SLC11A1: variants seen among roughly 807,000 people sequenced by gnomAD.
SLC11A1 encodes solute carrier family 11 member 1, also known as natural resistance-associated macrophage protein 1.
In SLC11A1, 59 loss-of-function variants were observed where a neutral mutation model predicts 63.2. That is an observed-to-expected ratio of 0.93 (90% confidence interval 0.76 to 1.16). The LOEUF is 1.16. Ranked by LOEUF, SLC11A1 falls within the 50% of genes most tolerant of loss-of-function variation. The pLI, the probability that SLC11A1 is intolerant of heterozygous loss-of-function variation, is 0.00. For missense variants in SLC11A1, 688 were observed against 730.7 expected, an observed-to-expected ratio of 0.94 and a Z score of 0.67; for synonymous variants, 305 against 307.8, an observed-to-expected ratio of 0.99 and a Z score of 0.09.
chr2:218,385,686 C>A, intron 4 of SLC11A1: 1 of 355,454 alleles, frequency 2.8e-6, no homozygotes, highest in South Asian at 2.1e-5. Flanking sequence ...CCACTGCATC[C>A]GGCCCCAATT....
Position 218,383,104 on chromosome 2 carries a change from TGG to T in SLC11A1, c.150+4_150+5del. 1 of 1,613,158 alleles carries T rather than the reference TGG, an allele frequency of 6.2e-7. No homozygotes were observed. The highest frequency in any genetic ancestry group is 8.5e-7 in the Non-Finnish European group (1 of 1,179,696). ...ATCCCCATCCCAGACACAAAACCGG[TGG>T]GATGCTGGAAACTTCCTGGGGGCTT... On this transcript the variant is annotated splice_donor_region_variant and intron_variant, in intron 2 of 14. Coordinates refer to ENST00000233202, the MANE Select transcript of SLC11A1 (RefSeq NM_000578.4).
At position 218,389,871 on chromosome 2, in the gene SLC11A1, C is replaced by G; in HGVS notation, c.797C>G (p.Ser266Cys). 1.9e-6 allele frequency: 3 copies of G among 1,608,088 alleles called. No homozygotes were observed. Among genetic ancestry groups the G allele is most frequent in the Non-Finnish European group, 2.5e-6 (3 of 1,176,672 alleles). Reference protein sequence around the residue: ...NIYLHSALVKSREIDRARRAD... With the variant: ...NIYLHSALVKCREIDRARRAD... The stretch of plus-strand genomic sequence containing the variant: ...TCCCTCTCCCTTTGATCTTCGTAGT[C>G]TCGAGAGATAGACCGGGCCCGCCGA... Residue 266 changes from serine (S) to cysteine (C), a missense_variant and splice_region_variant, in exon 9 of 15, where the codon TCT (serine) becomes TGT (cysteine). Coordinates refer to ENST00000233202, the MANE Select transcript of SLC11A1 (RefSeq NM_000578.4).
In SLC11A1 at chr2:218,385,273, T is replaced by C. The variant is rs1368800589; in HGVS notation, c.393+7T>C. 4.3e-6 allele frequency: 7 copies of C among 1,613,760 alleles called. No homozygotes were observed. The highest frequency in any genetic ancestry group is 2.2e-5 in the East Asian group (1 of 44,886). On this transcript the variant is annotated splice_region_variant and intron_variant, in intron 4 of 14. Transcript: ENST00000233202. ...CCATCTCTACTACCCTAAGGTGAGC[T>C]TGGGGGGCCTGGACAGGGAGAACCA... is the stretch of plus-strand genomic sequence containing the variant.
rs367962836 is a variant in SLC11A1, at chr2:218,390,886, GA to G, written c.955-302del. On this transcript the variant is annotated intron_variant, in intron 9 of 14. Transcript: ENST00000233202. ...ATGTTGGCAACAAATCCACATTAAAGAAAAAAAAAACCCGGCCGGGTGCGGT... is the reference window on the plus strand; with the variant it reads ...ATGTTGGCAACAAATCCACATTAAAGAAAAAAAAACCCGGCCGGGTGCGGT... 1.2e-4 allele frequency among the ~76,000 whole-genome samples: 18 copies of G among 148,374 alleles called. No individual in the cohort carries two copies. In the East Asian group the frequency reaches 1.6e-3, roughly 13 times the overall value.
At position 218,396,814 on chromosome 2, in the gene SLC11A1, G is replaced by C. The variant is rs1696812905; in HGVS notation, c.*1779G>C. On this transcript the variant is annotated 3_prime_UTR_variant, in exon 15 of 15. Transcript: ENST00000233202. ...CCCTACACACCCCTCTTGGCATTGA[G>C]TGCCAGTCCTCTGCCAGGCTCTGTG... 1 of 152,600 alleles carries C rather than the reference G, an allele frequency of 6.6e-6. No homozygotes were observed. The allele number at this position is 152,600 out of a possible 1,614,324, so 9.5% of individuals were successfully genotyped here. A position where few individuals can be genotyped will look rare whatever the true frequency, so the allele number is the denominator to read the frequency against.
chr2:218,392,947 C>A, intron 11 of SLC11A1, 34 bp from the exon 12 acceptor site: 1 of 1,553,504 alleles, frequency 6.4e-7, no homozygotes. Flanking sequence ...CCAGTCCTGT[C>A]TACTCCTCAC....
chr2:218,387,235 G>A lies in SLC11A1; in HGVS notation c.571+5G>A. 6.2e-7 allele frequency: 1 copy of A among 1,611,724 alleles called. No homozygotes were observed. Among genetic ancestry groups the A allele is most frequent in the Middle Eastern group, 1.7e-4 (1 of 6,058 alleles). ...TCCTCTTCCTCGATAACTACGGTGGGTGCACACCCCACCTCATAGGGGAGT... is the reference window on the plus strand; with the variant it reads ...TCCTCTTCCTCGATAACTACGGTGGATGCACACCCCACCTCATAGGGGAGT... On this transcript the variant is annotated splice_donor_5th_base_variant and intron_variant, in intron 6 of 14. Transcript: ENST00000233202.
At chr2:218,382,410 G>C (rs369962804) in intron 1 of SLC11A1, 35 bp downstream of exon 1, 25 of 1,612,534 alleles carry the variant, frequency 1.6e-5, no homozygotes, top group East Asian at 1.1e-4. Context: ...AGCCTGATTG[G>C]GGGGTGGAGT....
chr2:218,382,615 C>T (rs1251724047), intron 1 of SLC11A1, among the ~76,000 whole-genome samples: 2 of 152,200 alleles, frequency 1.3e-5, no homozygotes, highest in African/African-American at 4.8e-5. Flanking sequence ...GATCAAAGCC[C>T]CTGGAGCTTT....
rs199628891 is a variant in SLC11A1 at position 218,394,137 on chromosome 2, G to A, written c.1332G>A (p.Leu444=). The change falls in exon 13 of 15, where the codon CTG becomes CTA. Residue 444 remains leucine (L), a synonymous_variant. Transcript: ENST00000233202. ...LQSLLLPFAV[L]PILTFTSMPT... ...CTCCCCAGCTCCCGTTCGCCGTGCTGCCCATCCTCACGTTCACCAGCATGC... is the reference window on the plus strand; with the variant it reads ...CTCCCCAGCTCCCGTTCGCCGTGCTACCCATCCTCACGTTCACCAGCATGC... The A allele has an allele frequency of 6.2e-7, 1 of 1,614,060 alleles. No homozygotes were observed.
At position 218,395,413 on chromosome 2, in the gene SLC11A1, A is replaced by C. The variant is rs1696704222; in HGVS notation, c.*378A>C. The C allele has an allele frequency of 5.1e-6, 1 of 196,080 alleles. No individual in the cohort carries two copies. Among genetic ancestry groups the C allele is most frequent in the South Asian group, 1.1e-4 (1 of 9,290 alleles). 12.1% of individuals were successfully genotyped at this position (196,080 alleles called of 1,614,324 possible). ...GGACTTGGGCGGGACACAGGCTCCA[A>C]ACTGGAGCTTGAAATAGTGTCTGAT... On this transcript the variant is annotated 3_prime_UTR_variant, in exon 15 of 15. Transcript: ENST00000233202.
chr2:218,385,170 C>A lies in SLC11A1; in HGVS notation c.297C>A (p.Ala99=). The A allele has an allele frequency of 5.6e-6, 9 of 1,613,960 alleles. No homozygotes were observed. The highest frequency in any genetic ancestry group is 7.6e-6 in the Non-Finnish European group (9 of 1,179,890). Residue 99 remains alanine (A), a synonymous_variant, in exon 4 of 15, where the codon GCC becomes GCA. Transcript: ENST00000233202. The part of the protein sequence containing the change: ...GFKLLWVLLW[A]TVLGLLCQRL... ...AGCTTCTCTGGGTGCTGCTCTGGGCCACCGTGTTGGGCTTGCTCTGCCAGC... is the reference window on the plus strand; with the variant it reads ...AGCTTCTCTGGGTGCTGCTCTGGGCAACCGTGTTGGGCTTGCTCTGCCAGC...
At chr2:218,385,592 T>C (rs1019255347) in intron 4 of SLC11A1, 13 of 393,508 alleles carry the variant, frequency 3.3e-5, no homozygotes, top group Non-Finnish European at 6.1e-5. Context: ...GGTTTCACCA[T>C]GTTGGCCAGG....
intron 8 of SLC11A1, among the ~76,000 whole-genome samples, chr2:218,389,515 C>T (rs1047396684): frequency 5.3e-5 from 8 of 152,176 alleles, no homozygotes; most frequent in East Asian, 1.9e-4. Context: ...CATTGCACCA[C>T]GGCACTCCAG....
chr2:218,392,422 G>A (rs1412927300), intron 11 of SLC11A1: 2 of 161,830 alleles, frequency 1.2e-5, no homozygotes, highest in South Asian at 2.6e-4. Context: ...GTGCAATGGC[G>A]CCATCACAGC....
Position 218,386,621 on chromosome 2 carries a change from TCTC to T in SLC11A1, c.394-9_394-7del. On this transcript the variant is annotated splice_polypyrimidine_tract_variant and intron_variant, in intron 4 of 14. Transcript: ENST00000233202. ...CCGGCCCACCCTTAATGAAGGATCA[TCTC>T]CTCCCCATAGGTGCCCCGCACCGTC... 1 of 1,595,400 alleles carries T rather than the reference TCTC, an allele frequency of 6.3e-7. No homozygotes were observed. Among genetic ancestry groups the T allele is most frequent in the Non-Finnish European group, 8.6e-7 (1 of 1,165,112 alleles).
chr2:218,388,383 AAAG>A, intron 8 of SLC11A1: 1 of 168,586 alleles, frequency 5.9e-6, no homozygotes, highest in Admixed American at 5.8e-5. Flanking sequence ...AAAAAAAAAA[AAAG>A]AAAAGAAAAA....
intron 2 of SLC11A1, 196 bp downstream of exon 2, chr2:218,383,298 T>TA (rs1695904242): frequency 1.7e-6 from 1 of 587,424 alleles, no homozygotes; most frequent in Non-Finnish European, 3.0e-6. Flanking sequence ...AGTATTTGTC[T>TA]AAAAGCGATT....
At chr2:218,390,662 C>T (rs1426524731) in intron 9 of SLC11A1, among the ~76,000 whole-genome samples, 3 of 152,004 alleles carry the variant, frequency 2.0e-5, no homozygotes, top group Non-Finnish European at 4.4e-5. Context: ...CTGGGTCTCA[C>T]TCTGTTCCTT....
Sources: gnomAD v4.1 joint callset for allele counts (sites outside exome capture counted in the v4.1 genomes callset) on GRCh38, gnomAD v4.1.1 for gene constraint, MANE v1.5 for transcripts, NCBI Gene and HGNC (gene_info 2026-07-23, HGNC 2026-07-21) for gene names.